CIDEB: variants seen among roughly 807,000 people sequenced by gnomAD.
CIDEB encodes the protein lipid transferase CIDEB.
CIDEB carries 27 observed loss-of-function variants against 22.4 expected under a neutral mutation model. The ratio of observed to expected loss-of-function variants is 1.21; its 90% CI spans 0.89 to 1.66. The LOEUF (loss-of-function observed/expected upper bound fraction) is 1.66, where lower values mean the gene tolerates loss of function less well. CIDEB is among the 40% of genes most tolerant of loss of function. The pLI, the probability that CIDEB is intolerant of heterozygous loss-of-function variation, is 0.00. For synonymous variants in CIDEB, 103 were observed against 109.5 expected, an observed-to-expected ratio of 0.94 and a Z score of 0.37; for missense variants, 289 against 268.7, an observed-to-expected ratio of 1.08 and a Z score of -0.53.
At chr14:24,310,621 A>C (rs750939142), upstream of CIDEB, 2 of 1,605,440 alleles carry the variant, frequency 1.2e-6, no homozygotes, top group Non-Finnish European at 1.7e-6. Flanking sequence ...CCCACCCCTG[A>C]ACGCCCTCTG....
rs954008042 is a variant in CIDEB at position 24,305,657 on chromosome 14, C to G, written c.636G>C (p.Gln212His). Residue 212 changes from glutamine (Q) to histidine (H), a missense_variant, in exon 5 of 5, where the codon CAG (glutamine) becomes CAC (histidine). By Grantham distance (24) the Gln-to-His change is conservative. Transcript: ENST00000554411. The stretch of plus-strand genomic sequence containing the variant: ...CTTAGTAGGAATGGAGGCGGCCCTT[C>G]TGCTGCCACTGCTCAGCCCCCTCCA... ...HAVEGAEQWQ[Q>H]KGRLHSY The G allele has an allele frequency of 1.9e-6, 3 of 1,613,988 alleles. No homozygotes were observed. Among genetic ancestry groups the G allele is most frequent in the Non-Finnish European group, 1.7e-6 (2 of 1,179,922 alleles).
In CIDEB at chr14:24,306,452, A is replaced by G; in HGVS notation, c.258T>C (p.Ser86=). 1 of 1,614,230 alleles carries G rather than the reference A, an allele frequency of 6.2e-7. No individual in the cohort carries two copies. The highest frequency in any genetic ancestry group is 8.5e-7 in the Non-Finnish European group (1 of 1,180,036). The change falls in exon 3 of 5, where the codon AGT becomes AGC. Residue 86 remains serine (S), a synonymous_variant. Coordinates refer to ENST00000554411, the MANE Select transcript of CIDEB (RefSeq NM_001393339.1). ...CCTCCAGCAGCTGGAAGAAGTCCTC[A>G]CTGTCCACTGCAGTTCCATCCTCCT... ...VLEEDGTAVD[S]EDFFQLLEDD...
At chr14:24,306,928 C>T (rs774905450) in intron 2 of CIDEB, 1 of 274,846 alleles carries the variant, frequency 3.6e-6, no homozygotes, top group Non-Finnish European at 7.0e-6. Flanking sequence ...TTACTCTGTG[C>T]CAGGTATGAG....
At chr14:24,311,290 G>A (rs2041695319), upstream of CIDEB, 3 of 1,589,946 alleles carry the variant, frequency 1.9e-6, no homozygotes, top group Middle Eastern at 1.7e-4. Flanking sequence ...GCACGGCTGC[G>A]GGGCGCCCGC....
rs749522698 is a variant in CIDEB at position 24,306,095 on chromosome 14, G to T, written c.379C>A (p.His127Asn). ...SYGLGRERPK[H>N]SKDIARFTFD... ...GTGAATCGGGCGATGTCCTTGCTGT[G>T]CTTGGGCCTCTCCCGTCCCAGGCCA... The change falls in exon 4 of 5, where the codon CAC becomes AAC. Residue 127 changes from histidine (H) to asparagine (N), a missense_variant. By Grantham distance (68) the His-to-Asn change is moderately conservative. Transcript: ENST00000554411. 49 of 1,613,978 alleles carry T rather than the reference G, an allele frequency of 3.0e-5. 1 individual carries two copies. In the South Asian group the frequency reaches 4.8e-4, roughly 16 times the overall value.
At chr14:24,305,817 AG>A in intron 4 of CIDEB, 52 bp from the exon 5 acceptor site, 4 of 1,603,012 alleles carry the variant, frequency 2.5e-6, no homozygotes, top group Non-Finnish European at 3.4e-6. Context: ...CTTGGGAGGA[AG>A]CCATCAAGCT....
chr14:24,311,228 C>T (rs1950503), upstream of CIDEB: 6,369 of 1,608,928 alleles, frequency 4.0e-3, 243 homozygotes, highest in African/African-American at 0.077. Flanking sequence ...AGACTCTGAC[C>T]GCTTTCGTGC....
At chr14:24,310,720 C>T (rs2041665078), upstream of CIDEB, 1 of 1,612,440 alleles carries the variant, frequency 6.2e-7, no homozygotes, top group Non-Finnish European at 8.5e-7. Flanking sequence ...TGGAAGACTT[C>T]GCGGGCCACA....
In CIDEB at chr14:24,305,688, T is replaced by G; in HGVS notation, c.605A>C (p.His202Pro). The G allele has an allele frequency of 6.2e-7, 1 of 1,614,158 alleles. No individual in the cohort carries two copies. Among genetic ancestry groups the G allele is most frequent in the African/African-American group, 1.3e-5 (1 of 75,040 alleles). Residue 202 changes from histidine (H) to proline (P), a missense_variant, in exon 5 of 5, where the codon CAT becomes CCT. By Grantham distance (77) the His-to-Pro change is moderately conservative. Coordinates refer to ENST00000554411, the MANE Select transcript of CIDEB (RefSeq NM_001393339.1). ...MLLGISSTLR[H>P]AVEGAEQWQQ... ...CCACTGCTCAGCCCCCTCCACTGCA[T>G]GACGAAGGGTGGAGGAAATTCCCAG...
chr14:24,307,341 T>C, intron 2 of CIDEB, 30 bp downstream of exon 2: 1 of 1,600,384 alleles, frequency 6.2e-7, no homozygotes, highest in Non-Finnish European at 8.5e-7. Flanking sequence ...CTACCCCTGC[T>C]ATAGGAACCG....
intron 2 of CIDEB, 112 bp downstream of exon 2, chr14:24,307,259 G>T: frequency 8.3e-7 from 1 of 1,210,652 alleles, no homozygotes; most frequent in Non-Finnish European, 1.2e-6. Context: ...AGCCCTCAGA[G>T]GGAGGGGCAG....
chr14:24,305,710 C>T lies in CIDEB; in HGVS notation c.583G>A (p.Gly195Arg). ...LLQGLGHMLLGISSTLRHAVE... is the reference protein window; with the variant it reads ...LLQGLGHMLLRISSTLRHAVE... ...GCATGACGAAGGGTGGAGGAAATTC[C>T]CAGCAACATATGGCCCAGGCCTTGC... The change falls in exon 5 of 5, where the codon GGA becomes AGA. Residue 195 changes from glycine to arginine, a missense_variant. Coordinates refer to ENST00000554411, the MANE Select transcript of CIDEB (RefSeq NM_001393339.1). 2 of 1,614,190 alleles carry T rather than the reference C, an allele frequency of 1.2e-6. No homozygotes were observed. The highest frequency in any genetic ancestry group is 1.7e-6 in the Non-Finnish European group (2 of 1,180,038).
chr14:24,305,548 GTC>G lies in CIDEB; in HGVS notation c.*83_*84del. ...TTGGGTGGGTTATCTAGCCTGTACTGTCTGCAGGTCCTGAAATTTGATGCTGT... is the reference window on the plus strand; with the variant it reads ...TTGGGTGGGTTATCTAGCCTGTACTGTGCAGGTCCTGAAATTTGATGCTGT... On this transcript the variant is annotated 3_prime_UTR_variant, in exon 5 of 5. Transcript: ENST00000554411. 6.6e-7 allele frequency: 1 copy of G among 1,522,374 alleles called. No homozygotes were observed. The highest frequency in any genetic ancestry group is 8.9e-7 in the Non-Finnish European group (1 of 1,127,674). The allele number at this position is 1,522,374 out of a possible 1,614,324, so 94.3% of individuals were successfully genotyped here.
chr14:24,307,239 C>T (rs951356810), intron 2 of CIDEB, 132 bp downstream of exon 2: 40 of 998,786 alleles, frequency 4.0e-5, no homozygotes, highest in Admixed American at 7.3e-5. Context: ...AGGCCCACTC[C>T]GCTGCTTTTA....
upstream of CIDEB, chr14:24,311,101 G>A: frequency 6.4e-7 from 1 of 1,567,066 alleles, no homozygotes; most frequent in South Asian, 1.2e-5. Flanking sequence ...CTGGCGGTCT[G>A]GCTGGCCGCC....
chr14:24,310,394 T>C (rs879517314), upstream of CIDEB: 104 of 627,696 alleles, frequency 1.7e-4, no homozygotes, highest in Non-Finnish European at 2.6e-4. Context: ...GTGATGACTT[T>C]ATGCCTGTTT....
chr14:24,310,576 C>T (rs2041658174), upstream of CIDEB: 1 of 1,353,152 alleles, frequency 7.4e-7, no homozygotes, highest in South Asian at 1.2e-5. Context: ...GGAGGCATGG[C>T]ACCTTCTCAT....
chr14:24,311,256 C>T (rs772363797), upstream of CIDEB: 5 of 1,605,258 alleles, frequency 3.1e-6, no homozygotes, highest in East Asian at 2.2e-5. Context: ...CGGGCTGATG[C>T]TCGGCTGCTA....
At chr14:24,310,326 G>A, upstream of CIDEB, 1 of 597,920 alleles carries the variant, frequency 1.7e-6, no homozygotes, top group Non-Finnish European at 3.0e-6. Context: ...GAATGGGGCT[G>A]GACAAAGAAG....
Sources: gnomAD v4.1 joint callset for allele counts on GRCh38, gnomAD v4.1.1 for gene constraint, MANE v1.5 for transcripts, NCBI Gene and HGNC (gene_info 2026-07-23, HGNC 2026-07-21) for gene names.